The following PDE4D variants were observed in gnomAD, a reference collection of about 807,000 sequenced individuals.
The protein encoded by PDE4D is 3',5'-cyclic-AMP phosphodiesterase 4D.
PDE4D carries 24 observed loss-of-function variants against 87.4 expected under a neutral mutation model. The ratio of observed to expected loss-of-function variants is 0.27; its 90% confidence interval spans 0.20 to 0.39. The LOEUF is 0.39. Among genes scored for constraint, PDE4D ranks in the 10% least tolerant of loss-of-function variants. The pLI, the probability that PDE4D is intolerant of heterozygous loss-of-function variation, is 1.00. For synonymous variants in PDE4D, 384 were observed against 383.2 expected (o/e 1.00, Z -0.02); for missense variants, 714 against 1,041.0 (o/e 0.69, Z 4.32).
At chr5:59,739,761 T>C (rs938960226) in intron 1 of PDE4D, among the ~76,000 whole-genome samples, 1 of 152,144 alleles carries the variant, frequency 6.6e-6, no homozygotes, top group Non-Finnish European at 1.5e-5. Flanking sequence ...TGCATCTTAA[T>C]GCACCAATCC....
intron 1 of PDE4D, among the ~76,000 whole-genome samples, chr5:59,222,584 G>A (rs187373644): frequency 7.2e-5 from 11 of 152,250 alleles, no homozygotes; most frequent in Non-Finnish European, 1.3e-4. Context: ...GCTGAATGTC[G>A]CTGGGAATCC....
At chr5:59,127,867 C>T (rs1442971112) in intron 5 of PDE4D, among the ~76,000 whole-genome samples, 1 of 151,982 alleles carries the variant, frequency 6.6e-6, no homozygotes, top group African/African-American at 2.4e-5. Flanking sequence ...TCCTAATCAG[C>T]GCTGCAATCC....
At chr5:59,636,065 A>G (rs1832200823) in intron 1 of PDE4D, among the ~76,000 whole-genome samples, 1 of 140,294 alleles carries the variant, frequency 7.1e-6, no homozygotes, top group Admixed American at 7.5e-5. Context: ...ATGTACAAAA[A>G]TCACAATCAT....
chr5:60,482,522 C>G (rs1046221035), intron 1 of PDE4D, among the ~76,000 whole-genome samples: 4 of 152,120 alleles, frequency 2.6e-5, no homozygotes, highest in African/African-American at 9.7e-5. Context: ...TGAGTTTTCT[C>G]CTTTGCCAAA....
intron 1 of PDE4D, among the ~76,000 whole-genome samples, chr5:60,274,108 T>C (rs960697589): frequency 5.9e-5 from 9 of 152,154 alleles, no homozygotes; most frequent in Non-Finnish European, 1.5e-5. Context: ...CATCAGCTAA[T>C]TTTTAGCTGA....
chr5:60,227,375 C>T (rs367620146), intron 1 of PDE4D, among the ~76,000 whole-genome samples: 2 of 152,054 alleles, frequency 1.3e-5, no homozygotes, highest in African/African-American at 4.8e-5. Context: ...TCATACGATT[C>T]CCAGAATGTA....
At chr5:59,846,209 A>G (rs754464763) in intron 1 of PDE4D, among the ~76,000 whole-genome samples, 1 of 152,034 alleles carries the variant, frequency 6.6e-6, no homozygotes, top group Non-Finnish European at 1.5e-5. Context: ...GTGGTACTGG[A>G]CACACACTGA....
chr5:60,425,893 CAAA>C (rs1743665539), intron 1 of PDE4D, among the ~76,000 whole-genome samples: 1 of 152,160 alleles, frequency 6.6e-6, no homozygotes, highest in Non-Finnish European at 1.5e-5. Context: ...AGACACTTCT[CAAA>C]AGAAGACATT....
intron 1 of PDE4D, among the ~76,000 whole-genome samples, chr5:59,604,684 T>C (rs1211563965): frequency 1.3e-5 from 2 of 151,952 alleles, no homozygotes; most frequent in Non-Finnish European, 2.9e-5. Context: ...ATCTCACTGA[T>C]AACCAAAAAT....
intron 1 of PDE4D, among the ~76,000 whole-genome samples, chr5:59,346,909 T>C (rs949735334): frequency 3.9e-5 from 6 of 152,214 alleles, no homozygotes; most frequent in African/African-American, 1.4e-4. Flanking sequence ...TGTTTTCATC[T>C]TTTAGTTCAT....
At chr5:59,636,182 A>T (rs1832219243) in intron 1 of PDE4D, among the ~76,000 whole-genome samples, 1 of 152,210 alleles carries the variant, frequency 6.6e-6, no homozygotes, top group Non-Finnish European at 1.5e-5. Flanking sequence ...AAGGGATGTG[A>T]AGGACCTCTT....
chr5:59,746,048 G>T (rs181935994), intron 1 of PDE4D, among the ~76,000 whole-genome samples: 1 of 152,246 alleles, frequency 6.6e-6, no homozygotes, highest in Admixed American at 6.5e-5. Flanking sequence ...CAATATCATT[G>T]TGATAATTAT....
chr5:59,088,535 GA>G (rs1209099736), intron 5 of PDE4D, among the ~76,000 whole-genome samples: 2 of 152,040 alleles, frequency 1.3e-5, no homozygotes, highest in African/African-American at 4.8e-5. Context: ...CAATAGCAAA[GA>G]CATAGAATCA....
intron 1 of PDE4D, among the ~76,000 whole-genome samples, chr5:60,261,389 CT>C (rs1051179077): frequency 6.6e-5 from 10 of 152,236 alleles, no homozygotes; most frequent in African/African-American, 2.4e-4. Flanking sequence ...TATCTTCCCC[CT>C]ACATCTCTTT....
intron 6 of PDE4D, among the ~76,000 whole-genome samples, chr5:58,996,827 A>C (rs555107830): frequency 6.6e-6 from 1 of 152,310 alleles, no homozygotes; most frequent in Non-Finnish European, 1.5e-5. Flanking sequence ...AGTACAGATA[A>C]CTGAAGAAAA....
At chr5:59,606,649 G>A (rs1828244611) in intron 1 of PDE4D, among the ~76,000 whole-genome samples, 1 of 152,096 alleles carries the variant, frequency 6.6e-6, no homozygotes, top group Non-Finnish European at 1.5e-5. Flanking sequence ...TGGAGGGGAT[G>A]CAATTATGGA....
At chr5:59,212,328 C>T (rs192633474) in intron 2 of PDE4D, among the ~76,000 whole-genome samples, 20 of 152,130 alleles carry the variant, frequency 1.3e-4, no homozygotes, top group Admixed American at 3.9e-4. Flanking sequence ...AACTTAATCT[C>T]CTTGGTAGAA....
At chr5:59,181,327 A>G (rs1741487863) in intron 4 of PDE4D, among the ~76,000 whole-genome samples, 1 of 151,798 alleles carries the variant, frequency 6.6e-6, no homozygotes, top group South Asian at 2.1e-4. Context: ...GTAAAAAAAA[A>G]AAGCATGCTG....
Position 59,199,919 on chromosome 5 carries a change from T to C in PDE4D, c.648-6383A>G, listed in dbSNP as rs536238311. Among the ~76,000 whole-genome samples, 11 of 151,962 alleles carry C rather than the reference T, an allele frequency of 7.2e-5. No homozygotes were observed. The South Asian group carries it at 1.9e-3, about 26-fold the overall frequency. On this transcript the variant is annotated intron_variant, in intron 2 of 14. Transcript: ENST00000340635. Reference sequence around the variant, plus strand: ...ATATATACATATATGCATGTATATATACACACAGGCACATATATACATATA... The same window carrying C: ...ATATATACATATATGCATGTATATACACACACAGGCACATATATACATATA...
Sources: gnomAD v4.1 joint callset for allele counts (sites outside exome capture counted in the v4.1 genomes callset) on GRCh38, gnomAD v4.1.1 for gene constraint, MANE v1.5 for transcripts, NCBI Gene and HGNC (gene_info 2026-07-23, HGNC 2026-07-21) for gene names.